Variants in AHCYL2 observed in about 807,000 individuals in gnomAD.
AHCYL2 encodes the protein S-adenosylhomocysteine hydrolase-like protein 2.
AHCYL2 carries 28 observed loss-of-function variants against 81.4 expected under a neutral mutation model. The ratio of observed to expected loss-of-function variants is 0.34; its 90% CI spans 0.25 to 0.47. The LOEUF is 0.47. AHCYL2 is among the 20% of genes least tolerant of loss of function. The pLI, the probability that AHCYL2 is intolerant of heterozygous loss-of-function variation, is 1.00. For missense variants in AHCYL2, 551 were observed against 785.1 expected (o/e 0.70, Z 3.56); for synonymous variants, 272 against 290.2 (o/e 0.94, Z 0.64).
intron 1 of AHCYL2, among the ~76,000 whole-genome samples, chr7:129,233,708 A>G (rs910475568): frequency 7.9e-5 from 12 of 151,768 alleles, no homozygotes; most frequent in African/African-American, 1.5e-4. Flanking sequence ...GAATGGCTCA[A>G]TCTCCTGACC....
intron 1 of AHCYL2, among the ~76,000 whole-genome samples, chr7:129,292,681 T>G (rs548000577): frequency 6.6e-6 from 1 of 152,062 alleles, no homozygotes. Context: ...GCAGGAGAAT[T>G]GCTGGAACCC....
At chr7:129,372,331 A>G (rs757348575) in intron 1 of AHCYL2, among the ~76,000 whole-genome samples, 6 of 152,186 alleles carry the variant, frequency 3.9e-5, no homozygotes, top group Non-Finnish European at 8.8e-5. Flanking sequence ...GTATTACTTT[A>G]TGTACTTGAA....
At chr7:129,274,671 T>C (rs550723623) in intron 1 of AHCYL2, among the ~76,000 whole-genome samples, 1 of 152,240 alleles carries the variant, frequency 6.6e-6, no homozygotes, top group Non-Finnish European at 1.5e-5. Context: ...CCCGTTGGAA[T>C]CCTCTCTCTT....
intron 1 of AHCYL2, among the ~76,000 whole-genome samples, chr7:129,308,473 T>A (rs1797523421): frequency 1.3e-5 from 2 of 152,208 alleles, no homozygotes; most frequent in South Asian, 4.1e-4. Flanking sequence ...ATTTCAAGAT[T>A]GTTTTTCCTG....
At chr7:129,310,009 A>G (rs923418785) in intron 1 of AHCYL2, among the ~76,000 whole-genome samples, 1 of 151,838 alleles carries the variant, frequency 6.6e-6, no homozygotes, top group Non-Finnish European at 1.5e-5. Context: ...GTTTGACCTC[A>G]TTTTTACCTT....
In AHCYL2 at chr7:129,426,343, T is replaced by C. The variant is rs113745419; in HGVS notation, c.1709-100T>C. 3.8e-6 allele frequency: 6 copies of C among 1,563,852 alleles called. No homozygotes were observed. The Admixed American group carries it at 5.0e-5, about 13-fold the overall frequency. ...ACATTTTTCATTCAGCTCCAGGAATTAGAAGGTGTCTTTGAACTTTTTAAG... is the reference window on the plus strand; with the variant it reads ...ACATTTTTCATTCAGCTCCAGGAATCAGAAGGTGTCTTTGAACTTTTTAAG... On this transcript the variant is annotated intron_variant, in intron 15 of 16. Transcript: ENST00000325006. The surrounding 1 kb of genome is among the most constrained non-coding windows in gnomAD (Gnocchi z 4.3).
At chr7:129,377,893 CA>C (rs1484616427) in intron 1 of AHCYL2, among the ~76,000 whole-genome samples, 2 of 152,098 alleles carry the variant, frequency 1.3e-5, no homozygotes, top group African/African-American at 2.4e-5. Context: ...ATGCAATGTC[CA>C]GAGTATGATA....
At position 129,424,912 on chromosome 7, in the gene AHCYL2, A is replaced by T. The variant is rs369323782; in HGVS notation, c.1599A>T (p.Thr533=). The change falls in exon 14 of 17, where the codon ACA becomes ACT. Residue 533 remains threonine, a synonymous_variant. Coordinates refer to ENST00000325006, the MANE Select transcript of AHCYL2 (RefSeq NM_015328.4). ...LLNLSCSTVP[T]FVLSITATTQ... ...ACCTTAGCTGCTCCACAGTGCCTAC[A>T]TTTGTGCTCTCAATCACTGCTACTA... The T allele has an allele frequency of 2.2e-5, 35 of 1,613,508 alleles. No individual in the cohort carries two copies. The African/African-American group carries it at 4.5e-4, about 21-fold the overall frequency.
intron 12 of AHCYL2, among the ~76,000 whole-genome samples, chr7:129,414,454 T>C (rs1796747322): frequency 7.6e-6 from 1 of 132,024 alleles, no homozygotes. Flanking sequence ...GGAGTCTCAC[T>C]CTGTCGCCCA....
At chr7:129,392,391 T>C (rs1013112161) in intron 4 of AHCYL2, among the ~76,000 whole-genome samples, 3 of 152,180 alleles carry the variant, frequency 2.0e-5, no homozygotes, top group African/African-American at 7.2e-5. Flanking sequence ...GCCTGTTCCT[T>C]ATAGATGGCG....
intron 1 of AHCYL2, among the ~76,000 whole-genome samples, chr7:129,339,995 T>A (rs1793110106): frequency 7.3e-6 from 1 of 137,750 alleles, no homozygotes; most frequent in African/African-American, 2.7e-5. Flanking sequence ...CTCGGCTCAC[T>A]GCAAGCTCCG....
chr7:129,245,008 T>C (rs1308137499), intron 1 of AHCYL2, among the ~76,000 whole-genome samples: 1 of 150,712 alleles, frequency 6.6e-6, no homozygotes, highest in Non-Finnish European at 1.5e-5. Flanking sequence ...TTCAATGATA[T>C]ATATTTGTAG....
Position 129,368,068 on chromosome 7 carries a change from C to G in AHCYL2, c.364-11570C>G. 1.0e-6 allele frequency: 1 copy of G among 981,930 alleles called. No individual in the cohort carries two copies. Among genetic ancestry groups the G allele is most frequent in the Non-Finnish European group, 1.2e-6 (1 of 824,728 alleles). 60.8% of individuals were successfully genotyped at this position (981,930 alleles called of 1,614,324 possible). A position where few individuals can be genotyped will look rare whatever the true frequency, so the allele number is the denominator to read the frequency against. On this transcript the variant is annotated intron_variant, in intron 1 of 16. Transcript: ENST00000325006. The surrounding 1 kb of genome is among the most constrained non-coding windows in gnomAD (Gnocchi z 4.4). ...TTTATTGATCTTGGTATCCGCACCTCCAGTGACGTGTCCTGAAGGGTGGGA... is the reference window on the plus strand; with the variant it reads ...TTTATTGATCTTGGTATCCGCACCTGCAGTGACGTGTCCTGAAGGGTGGGA...
intron 13 of AHCYL2, 130 bp from the exon 14 acceptor site, chr7:129,424,744 T>C: frequency 1.1e-6 from 1 of 906,794 alleles, no homozygotes. Flanking sequence ...ATATATTGAA[T>C]AGCTGCTTTT....
chr7:129,234,155 A>G (rs2150679168), intron 1 of AHCYL2, among the ~76,000 whole-genome samples: 1 of 152,168 alleles, frequency 6.6e-6, no homozygotes, highest in Non-Finnish European at 1.5e-5. Flanking sequence ...AGCTCAATAG[A>G]ACCTCCCTTC....
At chr7:129,339,990 C>T (rs1377117946) in intron 1 of AHCYL2, among the ~76,000 whole-genome samples, 1 of 136,820 alleles carries the variant, frequency 7.3e-6, no homozygotes, top group Admixed American at 8.4e-5. Context: ...GTGATCTCGG[C>T]TCACTGCAAG....
chr7:129,231,570 A>C (rs1794440277), intron 1 of AHCYL2, among the ~76,000 whole-genome samples: 1 of 152,186 alleles, frequency 6.6e-6, no homozygotes, highest in Non-Finnish European at 1.5e-5. Context: ...ATGGGAAGAG[A>C]ACAATCTTGG....
intron 1 of AHCYL2, among the ~76,000 whole-genome samples, chr7:129,369,490 A>ATTGTT (rs1794271023): frequency 6.9e-6 from 1 of 145,898 alleles, no homozygotes; most frequent in Non-Finnish European, 1.5e-5. Flanking sequence ...ACTATTTTTT[A>ATTGTT]TTGTTTTGGG....
chr7:129,404,385 T>G (rs1014889003), intron 7 of AHCYL2, among the ~76,000 whole-genome samples: 2 of 151,842 alleles, frequency 1.3e-5, no homozygotes, highest in Non-Finnish European at 2.9e-5. Context: ...AAAAAAAAGT[T>G]GTAGGGAAGT....
Sources: gnomAD v4.1 joint callset for allele counts (sites outside exome capture counted in the v4.1 genomes callset) on GRCh38, gnomAD v4.1.1 for gene constraint, Gnocchi (gnomAD v3.1) non-coding constraint, MANE v1.5 for transcripts, NCBI Gene and HGNC (gene_info 2026-07-23, HGNC 2026-07-21) for gene names.